Variants in PPP2R2B observed in about 807,000 individuals in gnomAD.
PPP2R2B encodes serine/threonine-protein phosphatase 2A 55 kDa regulatory subunit B beta isoform.
A neutral mutation model predicts 46.0 loss-of-function variants in PPP2R2B; 5 were observed. The observed-to-expected ratio is 0.11, with a 90% CI of 0.06 to 0.23. The LOEUF (loss-of-function observed/expected upper bound fraction) is 0.23, where lower values mean the gene tolerates loss of function less well. Ranked by LOEUF, PPP2R2B falls within the 10% of genes least tolerant of loss-of-function variation. The pLI, the probability that PPP2R2B is intolerant of heterozygous loss-of-function variation, is 1.00. For synonymous variants in PPP2R2B, 215 were observed against 206.7 expected, an observed-to-expected ratio of 1.04 and a Z score of -0.34; for missense variants, 367 against 575.0, an observed-to-expected ratio of 0.64 and a Z score of 3.70.
rs77682145 is a variant in PPP2R2B, at chr5:146,833,702, G to A, written c.70+44300C>T. ...TGGTCATTGGAGTGTCAGGCGGGCC[G>A]TGTCTCTTCTTTTTCTGTCTCTCTC... On this transcript the variant is annotated intron_variant, in intron 2 of 9. Transcript: ENST00000394411. 3.8e-3 allele frequency among the ~76,000 whole-genome samples: 582 copies of A among 152,060 alleles called. 4 individuals carry two copies. The highest frequency in any genetic ancestry group is 0.013 in the African/African-American group (552 of 41,468).
In PPP2R2B at chr5:146,858,033, A is replaced by C. The variant is rs74293355; in HGVS notation, c.70+19969T>G. ...AAATACAGCTTAACATTTAGCAATT[A>C]CTACCTACTATTTTCCTGGGACTGT... On this transcript the variant is annotated intron_variant, in intron 2 of 9. Coordinates refer to ENST00000394411, the MANE Select transcript of PPP2R2B (RefSeq NM_181675.4). 1.1e-3 allele frequency among the ~76,000 whole-genome samples: 163 copies of C among 152,308 alleles called. 2 individuals are homozygous for C. In the East Asian group the frequency reaches 0.03, roughly 28 times the overall value.
chr5:146,853,576 T>C (rs183627247), intron 2 of PPP2R2B, among the ~76,000 whole-genome samples: 1 of 152,108 alleles, frequency 6.6e-6, no homozygotes, highest in South Asian at 2.1e-4. Flanking sequence ...CAAAAGGTGA[T>C]TTCAAAACCC....
intron 6 of PPP2R2B, among the ~76,000 whole-genome samples, chr5:146,642,012 GTTC>G (rs1006843340): frequency 1.3e-5 from 2 of 152,222 alleles, no homozygotes; most frequent in Non-Finnish European, 2.9e-5. Flanking sequence ...TGACAGATCT[GTTC>G]TTCTTGACCT....
chr5:146,681,796 T>C (rs1172030917), intron 5 of PPP2R2B, among the ~76,000 whole-genome samples: 1 of 152,212 alleles, frequency 6.6e-6, no homozygotes, highest in East Asian at 1.9e-4. Context: ...TTCAGACCAT[T>C]TAACAACCAA....
chr5:146,790,107 G>A (rs1756098937), intron 2 of PPP2R2B, among the ~76,000 whole-genome samples: 1 of 152,222 alleles, frequency 6.6e-6, no homozygotes. Context: ...CTAGTTAATT[G>A]CCCTTCGGGA....
At chr5:146,750,896 A>G (rs950486253) in intron 2 of PPP2R2B, among the ~76,000 whole-genome samples, 1 of 152,210 alleles carries the variant, frequency 6.6e-6, no homozygotes, top group African/African-American at 2.4e-5. Flanking sequence ...ATTAGAGACA[A>G]CAAAGAAGGT....
chr5:146,839,621 T>C (rs537610036), intron 2 of PPP2R2B, among the ~76,000 whole-genome samples: 2 of 152,246 alleles, frequency 1.3e-5, no homozygotes, highest in Non-Finnish European at 2.9e-5. Flanking sequence ...CCCTATAAAA[T>C]TTAATATTAT....
chr5:147,018,746 T>G (rs1755124026), intron 1 of PPP2R2B, among the ~76,000 whole-genome samples: 2 of 152,146 alleles, frequency 1.3e-5, no homozygotes, highest in African/African-American at 4.8e-5. Context: ...AATTAGGCAG[T>G]GCTCCATGCT....
intron 2 of PPP2R2B, among the ~76,000 whole-genome samples, chr5:146,808,994 T>TGTGTGTGTGTGTGCGCGC (rs1442659063): frequency 7.4e-6 from 1 of 134,400 alleles, no homozygotes; most frequent in African/African-American, 2.7e-5. Context: ...TGTGTGTGTG[T>TGTGTGTGTGTGTGCGCGC]GCGCGCGCAC....
Position 146,842,479 on chromosome 5 carries a change from C to T in PPP2R2B, c.70+35523G>A, listed in dbSNP as rs1177697314. On this transcript the variant is annotated intron_variant, in intron 2 of 9. Transcript: ENST00000394411. Reference sequence around the variant, plus strand: ...CATACTTCAAAAAAATACCTCCATGCCCTTTTTTTTTTTTTTTTTTAAAGT... The same window carrying T: ...CATACTTCAAAAAAATACCTCCATGTCCTTTTTTTTTTTTTTTTTTAAAGT... 1.5e-4 allele frequency among the ~76,000 whole-genome samples: 20 copies of T among 136,854 alleles called. No individual in the cohort carries two copies. The East Asian group carries it at 3.4e-3, about 23-fold the overall frequency. The allele number at this position is 136,854 out of a possible 152,430, so 89.8% of individuals were successfully genotyped here.
intron 2 of PPP2R2B, among the ~76,000 whole-genome samples, chr5:146,861,056 T>A (rs1291738703): frequency 5.2e-4 from 50 of 95,960 alleles, no homozygotes; most frequent in Admixed American, 1.3e-3. Context: ...AATTTTTTCT[T>A]TTTTTTTTTT....
intron 1 of PPP2R2B, among the ~76,000 whole-genome samples, chr5:146,922,006 G>A (rs1763623673): frequency 6.6e-6 from 1 of 152,138 alleles, no homozygotes; most frequent in Non-Finnish European, 1.5e-5. Flanking sequence ...GGCAAATGAG[G>A]CTCAGAGAGG....
At chr5:146,879,366 C>T (rs1455756917), upstream of PPP2R2B, among the ~76,000 whole-genome samples, 1 of 152,136 alleles carries the variant, frequency 6.6e-6, no homozygotes, top group Non-Finnish European at 1.5e-5. Context: ...TGTGTCTACA[C>T]AGGTGGAGGA....
intron 2 of PPP2R2B, among the ~76,000 whole-genome samples, chr5:146,712,980 G>C (rs983752777): frequency 2.6e-5 from 4 of 152,178 alleles, no homozygotes; most frequent in African/African-American, 9.7e-5. Flanking sequence ...TAAGATATCT[G>C]TCCTCATGCA....
rs75372385 is a variant in PPP2R2B at position 147,071,338 on chromosome 5, T to C, written c.50+9721A>G. Among the ~76,000 whole-genome samples, 1,250 of 152,318 alleles carry C rather than the reference T, an allele frequency of 8.2e-3. 20 individuals are homozygous for C. The highest frequency in any genetic ancestry group is 0.029 in the African/African-American group (1,194 of 41,564). On this transcript the variant is annotated intron_variant, in intron 2 of 10. Transcript: ENST00000394413. Reference sequence around the variant, plus strand: ...CAATAACCTTTCAACCGATTCCTGCTTCTGACAGTGGTCCCTTAATTGAGC... The same window carrying C: ...CAATAACCTTTCAACCGATTCCTGCCTCTGACAGTGGTCCCTTAATTGAGC...
At chr5:147,018,191 T>A (rs768629404) in intron 1 of PPP2R2B, among the ~76,000 whole-genome samples, 1 of 152,090 alleles carries the variant, frequency 6.6e-6, no homozygotes, top group Non-Finnish European at 1.5e-5. Context: ...AGTACTATTA[T>A]ATGGAATAGA....
rs142449843 is a variant in PPP2R2B at position 146,647,961 on chromosome 5, T to C, written c.625+2586A>G. On this transcript the variant is annotated intron_variant, in intron 6 of 9. Coordinates refer to ENST00000394411, the MANE Select transcript of PPP2R2B (RefSeq NM_181675.4). ...GGTCAGTTCTCATTGTCTCCAAATA[T>C]ATCTCATAATTGCCACTATCTGATT... 5.9e-5 allele frequency among the ~76,000 whole-genome samples: 9 copies of C among 152,332 alleles called. No individual in the cohort carries two copies. The East Asian group carries it at 1.7e-3, about 29-fold the overall frequency.
In PPP2R2B at chr5:146,670,861, C is replaced by T. The variant is rs1447153910; in HGVS notation, c.448-20137G>A. ...AACTTTATTTTGATAGGGAACTTTA[C>T]ACTGTAACACATGGAAAACCAGTTT... On this transcript the variant is annotated intron_variant, in intron 5 of 9. Transcript: ENST00000394411. 2.0e-5 allele frequency among the ~76,000 whole-genome samples: 3 copies of T among 152,146 alleles called. No individual in the cohort carries two copies. The East Asian group carries it at 5.8e-4, about 29-fold the overall frequency.
intron 2 of PPP2R2B, among the ~76,000 whole-genome samples, chr5:146,797,369 T>C (rs1756603815): frequency 6.6e-6 from 1 of 152,250 alleles, no homozygotes; most frequent in African/African-American, 2.4e-5. Context: ...TATTTGATTA[T>C]GCAGTGGTTT....
Sources: gnomAD v4.1 joint callset for allele counts (sites outside exome capture counted in the v4.1 genomes callset) on GRCh38, gnomAD v4.1.1 for gene constraint, MANE v1.5 for transcripts, NCBI Gene and HGNC (gene_info 2026-07-23, HGNC 2026-07-21) for gene names.